LRRTM4: variants seen among roughly 807,000 people sequenced by gnomAD.
LRRTM4 encodes leucine-rich repeat transmembrane neuronal protein 4.
Under a neutral mutation model 47.6 loss-of-function variants are expected in LRRTM4, and 25 were observed. The ratio of observed to expected loss-of-function variants is 0.53; its 90% CI spans 0.38 to 0.73. The LOEUF is 0.73. Ranked by LOEUF, LRRTM4 falls within the 30% of genes least tolerant of loss-of-function variation. LRRTM4 has a pLI of 0.00. For missense variants in LRRTM4, 638 were observed against 713.4 expected (o/e 0.89, Z 1.20); for synonymous variants, 311 against 269.5 (o/e 1.15, Z -1.51).
chr2:77,505,822 T>A (rs1037386475), intron 3 of LRRTM4, among the ~76,000 whole-genome samples: 17 of 151,596 alleles, frequency 1.1e-4, no homozygotes, highest in African/African-American at 4.1e-4. Context: ...AGGAATGATA[T>A]AAATCGAGCT....
chr2:77,415,248 A>G (rs1674594039), intron 3 of LRRTM4, among the ~76,000 whole-genome samples: 1 of 152,192 alleles, frequency 6.6e-6, no homozygotes, highest in South Asian at 2.1e-4. Flanking sequence ...AAGAATGATT[A>G]TGTCTTAATT....
intron 3 of LRRTM4, among the ~76,000 whole-genome samples, chr2:77,332,238 G>A (rs1306769592): frequency 6.6e-6 from 1 of 152,010 alleles, no homozygotes; most frequent in East Asian, 1.9e-4. Flanking sequence ...ACAGGACTTG[G>A]ACAATGGGAA....
chr2:77,350,747 A>G (rs1671736307), intron 3 of LRRTM4, among the ~76,000 whole-genome samples: 2 of 152,222 alleles, frequency 1.3e-5, no homozygotes, highest in African/African-American at 4.8e-5. Flanking sequence ...ATAATAAATG[A>G]TATGAATTGG....
chr2:77,147,512 C>T (rs903363722), intron 3 of LRRTM4, among the ~76,000 whole-genome samples: 2 of 152,156 alleles, frequency 1.3e-5, no homozygotes, highest in African/African-American at 4.8e-5. Flanking sequence ...TGTCCTATTA[C>T]CAAGACACCC....
intron 3 of LRRTM4, among the ~76,000 whole-genome samples, chr2:77,087,039 GAAGA>G (rs145076924): frequency 0.02 from 3,032 of 152,212 alleles, 93 homozygotes; most frequent in African/African-American, 0.068. Flanking sequence ...AAACACAAAA[GAAGA>G]TAGAATTGAA....
At chr2:76,806,769 T>G (rs1273469249) in intron 3 of LRRTM4, among the ~76,000 whole-genome samples, 1 of 151,986 alleles carries the variant, frequency 6.6e-6, no homozygotes, top group Non-Finnish European at 1.5e-5. Context: ...AAAATGACAG[T>G]TTATCAATCT....
At chr2:77,396,477 T>C (rs2103825314) in intron 3 of LRRTM4, among the ~76,000 whole-genome samples, 1 of 152,062 alleles carries the variant, frequency 6.6e-6, no homozygotes, top group South Asian at 2.1e-4. Flanking sequence ...TGTGAGAACT[T>C]GTTAAATGTT....
chr2:76,913,774 A>G (rs946551267), intron 3 of LRRTM4, among the ~76,000 whole-genome samples: 2 of 151,932 alleles, frequency 1.3e-5, no homozygotes, highest in Non-Finnish European at 2.9e-5. Context: ...CCTGGCCTCA[A>G]GTGATCCATC....
chr2:76,828,172 A>G (rs116197564), intron 3 of LRRTM4, among the ~76,000 whole-genome samples: 184 of 152,026 alleles, frequency 1.2e-3, no homozygotes, highest in Non-Finnish European at 2.2e-3. Context: ...ACATTGAATG[A>G]TGTGAGGGTA....
At chr2:77,084,226 C>G (rs1000928859) in intron 3 of LRRTM4, among the ~76,000 whole-genome samples, 1 of 152,172 alleles carries the variant, frequency 6.6e-6, no homozygotes, top group African/African-American at 2.4e-5. Context: ...TTGACCTTGT[C>G]TTTCGCTCAT....
chr2:76,874,062 C>T (rs935493421), intron 3 of LRRTM4, among the ~76,000 whole-genome samples: 4 of 151,602 alleles, frequency 2.6e-5, no homozygotes, highest in African/African-American at 9.7e-5. Context: ...TCTTAGTATG[C>T]TGGTGTACTT....
At chr2:77,068,584 T>A (rs1680038967) in intron 3 of LRRTM4, among the ~76,000 whole-genome samples, 1 of 152,238 alleles carries the variant, frequency 6.6e-6, no homozygotes, top group South Asian at 2.1e-4. Flanking sequence ...CTGGCTTCCT[T>A]TAATTGTATA....
chr2:76,826,210 C>CAA (rs993398612), intron 3 of LRRTM4, among the ~76,000 whole-genome samples: 1 of 151,512 alleles, frequency 6.6e-6, no homozygotes, highest in Non-Finnish European at 1.5e-5. Flanking sequence ...AGATCATTAT[C>CAA]AAATACAATT....
intron 3 of LRRTM4, among the ~76,000 whole-genome samples, chr2:77,308,765 G>T (rs970155079): frequency 7.6e-6 from 1 of 131,638 alleles, no homozygotes; most frequent in Non-Finnish European, 1.6e-5. Flanking sequence ...TTTCTTTTTT[G>T]TTCTTTTGTT....
intron 3 of LRRTM4, among the ~76,000 whole-genome samples, chr2:76,992,034 C>T (rs1418246544): frequency 6.6e-6 from 1 of 151,746 alleles, no homozygotes; most frequent in Non-Finnish European, 1.5e-5. Context: ...AATTTAAAAA[C>T]CATATGCTCA....
rs1294078687 is a variant in LRRTM4 at position 77,050,669 on chromosome 2, T to C, written c.1552-301753A>G. The stretch of plus-strand genomic sequence containing the variant: ...TAGATTTCTGATCTAAACATATATC[T>C]TGAATATTGCAAAATACATCCTTCA... On this transcript the variant is annotated intron_variant, in intron 3 of 3. Coordinates refer to ENST00000409884, the MANE Select transcript of LRRTM4 (RefSeq NM_001134745.3). Among the ~76,000 whole-genome samples, 4 of 152,192 alleles carry C rather than the reference T, an allele frequency of 2.6e-5. No homozygotes were observed. The South Asian group carries it at 8.3e-4, about 31-fold the overall frequency.
intron 3 of LRRTM4, among the ~76,000 whole-genome samples, chr2:77,353,029 T>G (rs1483143585): frequency 1.3e-5 from 2 of 152,172 alleles, no homozygotes; most frequent in East Asian, 1.9e-4. Flanking sequence ...GCTAATTTCT[T>G]TATTTTTAAG....
At chr2:77,497,831 C>T (rs985509855) in intron 3 of LRRTM4, among the ~76,000 whole-genome samples, 1 of 151,540 alleles carries the variant, frequency 6.6e-6, no homozygotes, top group East Asian at 1.9e-4. Flanking sequence ...TGAGTTAGGA[C>T]ATTACAAGCA....
At chr2:77,187,568 T>A (rs533105971) in intron 3 of LRRTM4, among the ~76,000 whole-genome samples, 1 of 152,070 alleles carries the variant, frequency 6.6e-6, no homozygotes, top group East Asian at 1.9e-4. Flanking sequence ...GGCACGTGTA[T>A]ACATATGTAA....
Sources: gnomAD v4.1 joint callset for allele counts (sites outside exome capture counted in the v4.1 genomes callset) on GRCh38, gnomAD v4.1.1 for gene constraint, MANE v1.5 for transcripts, NCBI Gene and HGNC (gene_info 2026-07-23, HGNC 2026-07-21) for gene names.